The following FOXO3 variants were observed in gnomAD, a reference collection of about 807,000 sequenced individuals.
The protein encoded by FOXO3 is forkhead box protein O3.
FOXO3 carries 4 observed loss-of-function variants against 41.9 expected under a neutral mutation model. The ratio of observed to expected loss-of-function variants is 0.10; its 90% CI spans 0.05 to 0.22. The LOEUF (loss-of-function observed/expected upper bound fraction) is 0.22. Ranked by LOEUF, FOXO3 falls within the 10% of genes least tolerant of loss-of-function variation. The probability of loss-of-function intolerance (pLI) is 1.00; values close to 1 mark genes in which losing one functional copy is unlikely to be tolerated. For missense variants in FOXO3, 534 were observed against 906.8 expected, an observed-to-expected ratio of 0.59 and a Z score of 5.28; for synonymous variants, 318 against 389.3, an observed-to-expected ratio of 0.82 and a Z score of 2.16.
intron 1 of FOXO3, among the ~76,000 whole-genome samples, chr6:108,580,809 G>T (rs547453326): frequency 1.1e-3 from 166 of 152,336 alleles, no homozygotes; most frequent in Non-Finnish European, 2.0e-3. Flanking sequence ...GAACAGAGTT[G>T]AGTGTTAGGT....
intron 1 of FOXO3, among the ~76,000 whole-genome samples, chr6:108,611,926 G>T (rs933765606): frequency 1.3e-5 from 2 of 152,040 alleles, no homozygotes; most frequent in African/African-American, 4.8e-5. Flanking sequence ...TATGAGTCTG[G>T]ATTCATTTAT....
intron 1 of FOXO3, among the ~76,000 whole-genome samples, chr6:108,597,690 T>A (rs1776924815): frequency 6.6e-6 from 1 of 152,214 alleles, no homozygotes; most frequent in Non-Finnish European, 1.5e-5. Context: ...TTTTTTATAC[T>A]GACGTCTGCA....
At chr6:108,600,401 G>T (rs1297642016) in intron 1 of FOXO3, among the ~76,000 whole-genome samples, 4 of 151,944 alleles carry the variant, frequency 2.6e-5, no homozygotes. Flanking sequence ...CAAAAAATTA[G>T]CCGGGTGTGG....
rs1029395873 is a variant in FOXO3 at position 108,562,737 on chromosome 6, C to T, written c.621+908C>T. On this transcript the variant is annotated intron_variant, in intron 1 of 2. Transcript: ENST00000406360. ...GAGACTCTCTACCGTTCCTTATCAT[C>T]CTCTTGGGGCACGGGACACGTGGTA... Among the ~76,000 whole-genome samples the T allele has an allele frequency of 6.6e-5, 10 of 152,320 alleles. 1 individual carries two copies. In the Middle Eastern group the frequency reaches 0.014, roughly 207 times the overall value.
At chr6:108,579,346 A>G (rs1776348194) in intron 1 of FOXO3, among the ~76,000 whole-genome samples, 2 of 152,196 alleles carry the variant, frequency 1.3e-5, no homozygotes, top group Admixed American at 1.3e-4. Flanking sequence ...GGAAGGGTCA[A>G]GAAGGCAGGT....
At chr6:108,564,152 A>G (rs948193275) in intron 1 of FOXO3, among the ~76,000 whole-genome samples, 3 of 152,246 alleles carry the variant, frequency 2.0e-5, no homozygotes, top group Non-Finnish European at 4.4e-5. Context: ...CTAAAGGGAT[A>G]TAATTTTGTT....
chr6:108,578,170 A>G (rs1278300567), intron 1 of FOXO3, among the ~76,000 whole-genome samples: 1 of 152,204 alleles, frequency 6.6e-6, no homozygotes, highest in Non-Finnish European at 1.5e-5. Context: ...AGCATCACAT[A>G]GGAACTTTCA....
rs1173289885 is a variant in FOXO3 at position 108,684,545 on chromosome 6, A to T, written c.*4753A>T. ...ACACTATCATATGGCATTCTTACTGAGGATTTTGTCTAACCATATGTTGCC... is the reference window on the plus strand; with the variant it reads ...ACACTATCATATGGCATTCTTACTGTGGATTTTGTCTAACCATATGTTGCC... On this transcript the variant is annotated 3_prime_UTR_variant, in exon 3 of 3. Coordinates refer to ENST00000406360, the MANE Select transcript of FOXO3 (RefSeq NM_001455.4). The T allele has an allele frequency of 6.6e-6, 1 of 152,576 alleles. No individual in the cohort carries two copies. The highest frequency in any genetic ancestry group is 1.5e-5 in the Non-Finnish European group (1 of 68,008). 9.5% of individuals were successfully genotyped at this position (152,576 alleles called of 1,614,324 possible). A position where few individuals can be genotyped will look rare whatever the true frequency, so the allele number is the denominator to read the frequency against.
chr6:108,623,615 T>C (rs1013206860), intron 1 of FOXO3, among the ~76,000 whole-genome samples: 1 of 152,158 alleles, frequency 6.6e-6, no homozygotes, highest in Non-Finnish European at 1.5e-5. Flanking sequence ...CAAAGCCACA[T>C]GGGAAGGCAA....
At chr6:108,562,529 C>A (rs1582722410) in intron 1 of FOXO3, among the ~76,000 whole-genome samples, 1 of 152,146 alleles carries the variant, frequency 6.6e-6, no homozygotes, top group African/African-American at 2.4e-5. Flanking sequence ...GCCGGTCTGG[C>A]CACCTCAATC....
intron 1 of FOXO3, among the ~76,000 whole-genome samples, chr6:108,640,070 G>T (rs1778217069): frequency 6.6e-6 from 1 of 152,198 alleles, no homozygotes; most frequent in Non-Finnish European, 1.5e-5. Context: ...AGATGCAGAG[G>T]ACCACAGCAG....
chr6:108,604,404 A>G (rs1308874962), intron 1 of FOXO3, among the ~76,000 whole-genome samples: 2 of 152,212 alleles, frequency 1.3e-5, no homozygotes, highest in Non-Finnish European at 2.9e-5. Flanking sequence ...ATGATTGTGT[A>G]GAAGAACTTC....
At chr6:108,585,289 C>T (rs1027973361) in intron 1 of FOXO3, among the ~76,000 whole-genome samples, 3 of 151,986 alleles carry the variant, frequency 2.0e-5, no homozygotes, top group Non-Finnish European at 4.4e-5. Context: ...GTGATCCACC[C>T]GCCTCGGCCT....
chr6:108,605,256 C>T (rs1045242900), intron 1 of FOXO3, among the ~76,000 whole-genome samples: 2 of 152,108 alleles, frequency 1.3e-5, no homozygotes, highest in African/African-American at 4.8e-5. Flanking sequence ...GTAACTGGAA[C>T]TACAGACGCC....
intron 1 of FOXO3, among the ~76,000 whole-genome samples, chr6:108,562,673 C>T (rs1775843562): frequency 6.6e-6 from 1 of 152,036 alleles, no homozygotes; most frequent in African/African-American, 2.4e-5. Context: ...GGGGCTGGGC[C>T]GGGCCGTAAT....
At chr6:108,576,761 C>G (rs1776272822) in intron 1 of FOXO3, among the ~76,000 whole-genome samples, 1 of 152,182 alleles carries the variant, frequency 6.6e-6, no homozygotes, top group Non-Finnish European at 1.5e-5. Context: ...ATGATTTTCA[C>G]CTGACATCTT....
chr6:108,657,053 C>T (rs2128384724), intron 1 of FOXO3, among the ~76,000 whole-genome samples: 1 of 152,300 alleles, frequency 6.6e-6, no homozygotes, highest in East Asian at 1.9e-4. Context: ...AGGGTTATGC[C>T]ACTGATTGCC....
At chr6:108,586,351 CT>C (rs1776579816) in intron 1 of FOXO3, among the ~76,000 whole-genome samples, 1 of 152,184 alleles carries the variant, frequency 6.6e-6, no homozygotes, top group Admixed American at 6.5e-5. Flanking sequence ...AACTTTTTCT[CT>C]TGGGACATCA....
intron 1 of FOXO3, among the ~76,000 whole-genome samples, chr6:108,599,595 C>T (rs983546031): frequency 3.3e-5 from 5 of 152,120 alleles, no homozygotes; most frequent in African/African-American, 4.8e-5. Context: ...GAGGCTTTCC[C>T]GGGCTCAGTG....
Sources: allele counts gnomAD v4.1 joint callset (sites outside exome capture counted in the v4.1 genomes callset), GRCh38; gene constraint gnomAD v4.1.1; transcripts MANE v1.5; gene names NCBI Gene and HGNC (gene_info 2026-07-23, HGNC 2026-07-21).